The following ACER2 variants were observed in gnomAD, a reference collection of about 807,000 sequenced individuals.
ACER2 encodes alkCDase 2.
ACER2 carries 26 observed loss-of-function variants against 34.7 expected under a neutral mutation model. The observed-to-expected ratio is 0.75, with a 90% CI of 0.55 to 1.04. The LOEUF is 1.04. ACER2 is among the 50% of genes least tolerant of loss of function. ACER2 has a pLI of 0.00. For synonymous variants in ACER2, 138 were observed against 132.1 expected (o/e 1.04, Z -0.31); for missense variants, 352 against 340.8 (o/e 1.03, Z -0.26).
At position 19,450,442 on chromosome 9, in the gene ACER2, C is replaced by T. The variant is rs1243251462; in HGVS notation, c.642-8C>T. ...CATCAGGTTCTCACCTCTTGTCTCCCTCTGCAGGCACATCCTCATCTGCCT... is the reference window on the plus strand; with the variant it reads ...CATCAGGTTCTCACCTCTTGTCTCCTTCTGCAGGCACATCCTCATCTGCCT... On this transcript the variant is annotated splice_polypyrimidine_tract_variant and splice_region_variant and intron_variant, in intron 5 of 5. Transcript: ENST00000340967. 6.3e-7 allele frequency: 1 copy of T among 1,583,446 alleles called. No homozygotes were observed. Among genetic ancestry groups the T allele is most frequent in the African/African-American group, 1.3e-5 (1 of 74,482 alleles).
At chr9:19,446,083 A>C (rs750419119) in intron 4 of ACER2, 198 bp from the exon 5 acceptor site, 44 of 828,702 alleles carry the variant, frequency 5.3e-5, no homozygotes, top group Non-Finnish European at 9.0e-5. Flanking sequence ...CCTGGGTGGG[A>C]AGGGTGTCTG....
rs1313502163 is a variant in ACER2, at chr9:19,444,174, GA to G, written c.504-2096del. 2.0e-3 allele frequency among the ~76,000 whole-genome samples: 176 copies of G among 89,092 alleles called. 3 individuals carry two copies. Among genetic ancestry groups the G allele is most frequent in the African/African-American group, 5.2e-3 (125 of 24,100 alleles). 58.4% of individuals were successfully genotyped at this position (89,092 alleles called of 152,430 possible). On this transcript the variant is annotated intron_variant, in intron 4 of 5. Transcript: ENST00000340967. ...TGAGCTAAAAAAAAAAAAAAGAAAA[GA>G]AAAAAAAAAAGAAAGTCGCAAAAAA...
At chr9:19,424,506 A>G in intron 2 of ACER2, 194 bp from the exon 3 acceptor site, 18 of 985,332 alleles carry the variant, frequency 1.8e-5, no homozygotes, top group Non-Finnish European at 2.0e-5. Context: ...TTTGGGCCCT[A>G]GTTGAAATCT....
At position 19,424,681 on chromosome 9, in the gene ACER2, T is replaced by A; in HGVS notation, c.224-19T>A. Reference sequence around the variant, plus strand: ...CTCTTCTGTGGTGACCTTTTTTTATTGGTTGTAATTGATTCTAGGAATTGG... The same window carrying A: ...CTCTTCTGTGGTGACCTTTTTTTATAGGTTGTAATTGATTCTAGGAATTGG... On this transcript the variant is annotated intron_variant, in intron 2 of 5. Coordinates refer to ENST00000340967, the MANE Select transcript of ACER2 (RefSeq NM_001010887.3). 1 of 1,612,080 alleles carries A rather than the reference T, an allele frequency of 6.2e-7. No individual in the cohort carries two copies. Among genetic ancestry groups the A allele is most frequent in the African/African-American group, 1.3e-5 (1 of 74,870 alleles).
chr9:19,420,548 G>C (rs1830372554), intron 1 of ACER2, among the ~76,000 whole-genome samples: 1 of 152,218 alleles, frequency 6.6e-6, no homozygotes, highest in Admixed American at 6.5e-5. Flanking sequence ...AAGGATGTGA[G>C]AAATTGGAAC....
chr9:19,448,277 G>A (rs1831438681), intron 5 of ACER2, among the ~76,000 whole-genome samples: 1 of 152,128 alleles, frequency 6.6e-6, no homozygotes, highest in African/African-American at 2.4e-5. Flanking sequence ...GGCTCCCAAA[G>A]TGCTGGGATT....
intron 5 of ACER2, among the ~76,000 whole-genome samples, chr9:19,447,358 C>G (rs1831405587): frequency 6.6e-6 from 1 of 152,180 alleles, no homozygotes; most frequent in Admixed American, 6.5e-5. Context: ...AGTTCCCTTG[C>G]TCATGTGAAC....
chr9:19,416,843 G>C (rs1589034777), intron 1 of ACER2, among the ~76,000 whole-genome samples: 1 of 152,060 alleles, frequency 6.6e-6, no homozygotes, highest in South Asian at 2.1e-4. Flanking sequence ...CTAAGGGATG[G>C]TTTTTAAGAT....
intron 4 of ACER2, among the ~76,000 whole-genome samples, chr9:19,445,744 A>T (rs115760738): frequency 6.6e-6 from 1 of 152,154 alleles, no homozygotes; most frequent in Non-Finnish European, 1.5e-5. Flanking sequence ...AGGGAAGATC[A>T]TGCATCCGGG....
chr9:19,428,235 T>G (rs1353855422), intron 3 of ACER2, among the ~76,000 whole-genome samples: 4 of 152,074 alleles, frequency 2.6e-5, no homozygotes, highest in Admixed American at 6.6e-5. Flanking sequence ...TAGTACGATC[T>G]CGGCTCACTG....
At chr9:19,413,168 T>A (rs1830138201) in intron 1 of ACER2, among the ~76,000 whole-genome samples, 1 of 152,266 alleles carries the variant, frequency 6.6e-6, no homozygotes, top group African/African-American at 2.4e-5. Flanking sequence ...AATTGTATCA[T>A]CCTTTGCTTC....
chr9:19,444,955 C>A (rs1024377174), intron 4 of ACER2, among the ~76,000 whole-genome samples: 13 of 152,196 alleles, frequency 8.5e-5, no homozygotes, highest in Non-Finnish European at 1.9e-4. Context: ...TTTATTGATG[C>A]TTTCGCTGAT....
At position 19,434,366 on chromosome 9, in the gene ACER2, G is replaced by A. The variant is rs1266195045; in HGVS notation, c.366-581G>A. 5.3e-5 allele frequency among the ~76,000 whole-genome samples: 8 copies of A among 152,220 alleles called. No individual in the cohort carries two copies. The East Asian group carries it at 5.8e-4, about 11-fold the overall frequency. On this transcript the variant is annotated intron_variant, in intron 3 of 5. Transcript: ENST00000340967. The stretch of plus-strand genomic sequence containing the variant: ...CAGAGACGCTCCTCACTTCCCAGAC[G>A]GGGTGGCGGCCGGGCAGAGGCTGCA...
chr9:19,425,563 A>T (rs1423426959), intron 3 of ACER2, among the ~76,000 whole-genome samples: 4 of 152,232 alleles, frequency 2.6e-5, no homozygotes, highest in Non-Finnish European at 4.4e-5. Flanking sequence ...AGTTGGGGAG[A>T]TTACAAATCA....
At position 19,409,137 on chromosome 9, in the gene ACER2, A is replaced by C. The variant is rs957633533; in HGVS notation, c.53A>C (p.Asp18Ala). 15 of 1,607,034 alleles carry C rather than the reference A, an allele frequency of 9.3e-6. No homozygotes were observed. The highest frequency in any genetic ancestry group is 1.2e-5 in the Non-Finnish European group (14 of 1,177,358). Reference protein sequence around the residue: ...DQLQAGSSEVDWCEDNYTIVP... With the variant: ...DQLQAGSSEVAWCEDNYTIVP... ...CTGCAGGCTGGTAGCTCGGAGGTGG[A>C]CTGGTGCGAGGACAACTACACCATC... The change falls in exon 1 of 6, where the codon GAC (aspartate) becomes GCC (alanine). Residue 18 changes from aspartate to alanine, a missense_variant. Transcript: ENST00000340967.
At chr9:19,418,568 AC>A (rs1407164668) in intron 1 of ACER2, among the ~76,000 whole-genome samples, 4 of 152,146 alleles carry the variant, frequency 2.6e-5, no homozygotes, top group Non-Finnish European at 2.9e-5. Flanking sequence ...GAAGCTGGAA[AC>A]CATTATTCTC....
At position 19,419,061 on chromosome 9, in the gene ACER2, C is replaced by T. The variant is rs1181385689; in HGVS notation, c.109-4801C>T. On this transcript the variant is annotated intron_variant, in intron 1 of 5. Coordinates refer to ENST00000340967, the MANE Select transcript of ACER2 (RefSeq NM_001010887.3). ...AAAAAATTAGCTGGGCATGGTGGCT[C>T]ATGCCTGTAATCCCAGCTACTTGGA... Among the ~76,000 whole-genome samples, 6 of 151,988 alleles carry T rather than the reference C, an allele frequency of 3.9e-5. No homozygotes were observed. The East Asian group carries it at 5.8e-4, about 15-fold the overall frequency.
At chr9:19,417,925 T>C (rs1186193463) in intron 1 of ACER2, among the ~76,000 whole-genome samples, 1 of 152,162 alleles carries the variant, frequency 6.6e-6, no homozygotes, top group East Asian at 1.9e-4. Flanking sequence ...ACAGTTAACC[T>C]ACAGAATAGG....
At chr9:19,438,456 T>C (rs1490488362) in intron 4 of ACER2, among the ~76,000 whole-genome samples, 1 of 152,216 alleles carries the variant, frequency 6.6e-6, no homozygotes, top group East Asian at 1.9e-4. Flanking sequence ...TTCTCTGCCG[T>C]GTTTGTGGAC....
Sources: gnomAD v4.1 joint callset for allele counts (sites outside exome capture counted in the v4.1 genomes callset) on GRCh38, gnomAD v4.1.1 for gene constraint, MANE v1.5 for transcripts, NCBI Gene and HGNC (gene_info 2026-07-23, HGNC 2026-07-21) for gene names.